Variants in ADGRB3 observed in about 807,000 individuals in gnomAD.
The protein encoded by ADGRB3 is adhesion G protein-coupled receptor B3, also known as brain-specific angiogenesis inhibitor 3.
In ADGRB3, 37 loss-of-function variants were observed where a neutral mutation model predicts 193.4. That is an observed-to-expected ratio of 0.19 (90% confidence interval 0.15 to 0.25). The LOEUF (loss-of-function observed/expected upper bound fraction) is 0.25. Among genes scored for constraint, ADGRB3 ranks in the 10% least tolerant of loss-of-function variants. The pLI, the probability that ADGRB3 is intolerant of heterozygous loss-of-function variation, is 1.00. For synonymous variants in ADGRB3, 690 were observed against 644.2 expected (o/e 1.07, Z -1.08); for missense variants, 1,637 against 1,852.9 (o/e 0.88, Z 2.14).
rs774846967 is a variant in ADGRB3 at position 68,638,694 on chromosome 6, C to G, written c.19C>G (p.Leu7Val). Residue 7 changes from leucine to valine, a missense_variant, in exon 3 of 32, where the codon CTG becomes GTG. By Grantham distance (32) the Leu-to-Val change is conservative. Around this residue, in one of 7 missense-constraint regions of ADGRB3, gnomAD observed 365 missense variants for 409.8 expected, o/e 0.89. Coordinates refer to ENST00000370598, the MANE Select transcript of ADGRB3 (RefSeq NM_001704.3). ...ACATAGGATGAAGGCTGTTCGTAAC[C>G]TGCTGATTTATATATTTTCCACCTA... MKAVRN[L>V]LIYIFSTYLL... is the part of the protein sequence containing the mutation. 6.2e-7 allele frequency: 1 copy of G among 1,613,638 alleles called. No homozygotes were observed. Among genetic ancestry groups the G allele is most frequent in the Admixed American group, 1.7e-5 (1 of 59,930 alleles).
intron 3 of ADGRB3, among the ~76,000 whole-genome samples, chr6:68,880,472 C>T (rs190452921): frequency 1.3e-5 from 2 of 152,300 alleles, no homozygotes; most frequent in Admixed American, 6.5e-5. Flanking sequence ...TAAAAAATTA[C>T]CTTTTTTGCC....
chr6:69,134,015 T>C (rs943500749), intron 17 of ADGRB3, among the ~76,000 whole-genome samples: 7 of 152,150 alleles, frequency 4.6e-5, no homozygotes, highest in Non-Finnish European at 7.4e-5. Context: ...ATGCCATTAT[T>C]TTGCTGCTTT....
intron 17 of ADGRB3, among the ~76,000 whole-genome samples, chr6:69,213,114 CACAAAATTA>C (rs1765701101): frequency 6.6e-6 from 1 of 152,084 alleles, no homozygotes; most frequent in South Asian, 2.1e-4. Flanking sequence ...GAATACTTAG[CACAAAATTA>C]AAGTGCATGC....
chr6:68,727,851 G>A (rs1467598924), intron 3 of ADGRB3, among the ~76,000 whole-genome samples: 1 of 151,556 alleles, frequency 6.6e-6, no homozygotes, highest in African/African-American at 2.4e-5. Flanking sequence ...CATTCTGGGT[G>A]ATATAATCGT....
Position 69,218,624 on chromosome 6 carries a change from T to C in ADGRB3, c.2481-14666T>C, listed in dbSNP as rs75079430. On this transcript the variant is annotated intron_variant, in intron 17 of 31. Transcript: ENST00000370598. Reference sequence around the variant, plus strand: ...GACTGAAAAAGTAAGTTCTTCTTGTTCCTGTTCTTTGTGCTTGACTTTCTA... The same window carrying C: ...GACTGAAAAAGTAAGTTCTTCTTGTCCCTGTTCTTTGTGCTTGACTTTCTA... Among the ~76,000 whole-genome samples the C allele has an allele frequency of 1.9e-3, 295 of 152,292 alleles. 4 individuals carry two copies. Among genetic ancestry groups the C allele is most frequent in the Admixed American group, 5.0e-3 (76 of 15,284 alleles).
chr6:68,729,298 T>G (rs1582153599), intron 3 of ADGRB3, among the ~76,000 whole-genome samples: 1 of 151,458 alleles, frequency 6.6e-6, no homozygotes, highest in African/African-American at 2.4e-5. Context: ...CCTGGATAAG[T>G]AGTTAGGAAA....
At chr6:68,997,983 C>A (rs1486586112) in intron 11 of ADGRB3, among the ~76,000 whole-genome samples, 1 of 152,044 alleles carries the variant, frequency 6.6e-6, no homozygotes, top group Non-Finnish European at 1.5e-5. Flanking sequence ...ACTAACAAAT[C>A]CATAGAATTG....
intron 30 of ADGRB3, among the ~76,000 whole-genome samples, chr6:69,376,082 CTTTTTTTTT>C (rs58780409): frequency 8.9e-5 from 6 of 67,370 alleles, no homozygotes; most frequent in African/African-American, 2.2e-4. Flanking sequence ...ATTATGTAGC[CTTTTTTTTT>C]TTTTTTTTTT....
intron 15 of ADGRB3, among the ~76,000 whole-genome samples, chr6:69,050,241 C>CA (rs142028221): frequency 0.08 from 12,106 of 152,078 alleles, 598 homozygotes; most frequent in Non-Finnish European, 0.12. Context: ...AAAAATCACC[C>CA]AAGGAAGCAG....
In ADGRB3 at chr6:68,996,337, C is replaced by T. The variant is rs62418304; in HGVS notation, c.1929+2375C>T. Among the ~76,000 whole-genome samples, 470 of 152,216 alleles carry T rather than the reference C, an allele frequency of 3.1e-3. 1 individual carries two copies. The highest frequency in any genetic ancestry group is 6.8e-3 in the Middle Eastern group (2 of 294). ...TGGCCTCTTCCTTTTGATCCTCCCT[C>T]GCCTGTTTACCTACATCCCTAGCAA... On this transcript the variant is annotated intron_variant, in intron 11 of 31. Transcript: ENST00000370598.
chr6:68,768,049 CA>C (rs1206869217), intron 3 of ADGRB3, among the ~76,000 whole-genome samples: 1 of 152,050 alleles, frequency 6.6e-6, no homozygotes, highest in Non-Finnish European at 1.5e-5. Context: ...AAGACACAAA[CA>C]AATGGAAAAA....
At position 68,993,757 on chromosome 6, in the gene ADGRB3, G is replaced by A. The variant is rs746946190; in HGVS notation, c.1735-11G>A. 9.3e-6 allele frequency: 15 copies of A among 1,609,148 alleles called. No individual in the cohort carries two copies. Among genetic ancestry groups the A allele is most frequent in the African/African-American group, 1.3e-5 (1 of 74,720 alleles). The stretch of plus-strand genomic sequence containing the variant: ...ATTCTGATGTTTGCTCTGTTCTTTT[G>A]ACCATCACAGATTAAAGAGCACCTT... On this transcript the variant is annotated splice_polypyrimidine_tract_variant and intron_variant, in intron 10 of 31. Coordinates refer to ENST00000370598, the MANE Select transcript of ADGRB3 (RefSeq NM_001704.3).
Position 69,389,035 on chromosome 6 carries a change from G to C in ADGRB3, c.*144G>C. On this transcript the variant is annotated 3_prime_UTR_variant, in exon 32 of 32. Coordinates refer to ENST00000370598, the MANE Select transcript of ADGRB3 (RefSeq NM_001704.3). ...CAAACGTCAGTGGTGTTTTCATATGGTAACTTCTCACTAGTCAGGCTAGTG... is the reference window on the plus strand; with the variant it reads ...CAAACGTCAGTGGTGTTTTCATATGCTAACTTCTCACTAGTCAGGCTAGTG... The C allele has an allele frequency of 1.3e-6, 1 of 793,886 alleles. No individual in the cohort carries two copies. Among genetic ancestry groups the C allele is most frequent in the Non-Finnish European group, 1.9e-6 (1 of 517,100 alleles). 49.2% of individuals were successfully genotyped at this position (793,886 alleles called of 1,614,324 possible). A position where few individuals can be genotyped will look rare whatever the true frequency, so the allele number is the denominator to read the frequency against.
chr6:69,040,479 A>G (rs188070827), intron 13 of ADGRB3, among the ~76,000 whole-genome samples: 1 of 151,654 alleles, frequency 6.6e-6, no homozygotes, highest in African/African-American at 2.4e-5. Context: ...AATAAAACTT[A>G]CAAGAGTTGG....
At chr6:69,310,793 G>C (rs1768172896) in intron 20 of ADGRB3, among the ~76,000 whole-genome samples, 1 of 151,626 alleles carries the variant, frequency 6.6e-6, no homozygotes, top group Non-Finnish European at 1.5e-5. Flanking sequence ...AAAGCTGTAA[G>C]GAAACCATGG....
At chr6:68,795,457 T>A (rs1313937300) in intron 3 of ADGRB3, among the ~76,000 whole-genome samples, 1 of 152,084 alleles carries the variant, frequency 6.6e-6, no homozygotes, top group Non-Finnish European at 1.5e-5. Flanking sequence ...AGCTAAAGGT[T>A]ACTATGAAAA....
intron 3 of ADGRB3, among the ~76,000 whole-genome samples, chr6:68,664,685 C>T (rs2127290856): frequency 6.6e-6 from 1 of 151,934 alleles, no homozygotes; most frequent in South Asian, 2.1e-4. Flanking sequence ...TTTTTATGCT[C>T]TTCTGGCCTA....
At chr6:69,355,268 G>C (rs1050869722) in intron 27 of ADGRB3, among the ~76,000 whole-genome samples, 1 of 152,184 alleles carries the variant, frequency 6.6e-6, no homozygotes, top group East Asian at 1.9e-4. Context: ...TTCTCGACCA[G>C]ATGAGTATGG....
At chr6:69,079,821 A>G (rs1297400574) in intron 17 of ADGRB3, among the ~76,000 whole-genome samples, 1 of 152,048 alleles carries the variant, frequency 6.6e-6, no homozygotes, top group Non-Finnish European at 1.5e-5. Flanking sequence ...CCATCCATCT[A>G]ATACTCTCAA....
Sources: allele counts gnomAD v4.1 joint callset (sites outside exome capture counted in the v4.1 genomes callset), GRCh38; gene constraint gnomAD v4.1.1; regional missense constraint gnomAD v4.1.1; transcripts MANE v1.5; gene names NCBI Gene and HGNC (gene_info 2026-07-23, HGNC 2026-07-21).